Variants in UNC80 observed in about 807,000 individuals in gnomAD.
UNC80 encodes unc-80 subunit of NALCN channel complex, also known as protein unc-80 homolog.
In UNC80, 164 loss-of-function variants were observed where a neutral mutation model predicts 384.6. The observed-to-expected ratio is 0.43, with a 90% CI of 0.38 to 0.49. The LOEUF is 0.49. Among genes scored for constraint, UNC80 ranks in the 20% least tolerant of loss-of-function variants. The probability of loss-of-function intolerance (pLI) is 0.00; values close to 1 mark genes in which losing one functional copy is unlikely to be tolerated. For missense variants in UNC80, 3,330 were observed against 4,143.0 expected, an observed-to-expected ratio of 0.80 and a Z score of 5.39; for synonymous variants, 1,486 against 1,527.8, an observed-to-expected ratio of 0.97 and a Z score of 0.64.
chr2:209,994,492 A>G (rs1416874844), intron 64 of UNC80, among the ~76,000 whole-genome samples: 3 of 152,222 alleles, frequency 2.0e-5, no homozygotes, highest in African/African-American at 7.2e-5. Flanking sequence ...TTTACCTATG[A>G]AAAACCTAAG....
At chr2:209,904,644 CG>C in intron 28 of UNC80, 120 bp from the exon 29 acceptor site, 1 of 834,376 alleles carries the variant, frequency 1.2e-6, no homozygotes, top group Non-Finnish European at 1.9e-6. Flanking sequence ...TGGACCATTG[CG>C]ATTTCAAGAC....
chr2:209,955,724 TATATATATATATATACAC>T (rs1198954957), intron 48 of UNC80, among the ~76,000 whole-genome samples: 4 of 80,850 alleles, frequency 4.9e-5, no homozygotes, highest in South Asian at 9.8e-4. Context: ...TATATATATA[TATATATATATATATACAC>T]ACACACACAC....
In UNC80 at chr2:209,894,275, C is replaced by A; in HGVS notation, c.4389C>A (p.Ser1463Arg). ...GSLSSIRRVG[S>R]LKSSKLSRQD... The stretch of plus-strand genomic sequence containing the variant: ...TGTCCAGCATTCGCCGGGTCGGCAG[C>A]TTAAAGAGCAGCAAGTTATCACGGC... The change falls in exon 27 of 65, where the codon AGC becomes AGA. Residue 1463 changes from serine to arginine, a missense_variant. Physicochemically the swap from Ser to Arg is moderately radical, Grantham distance 110 (BLOSUM62 -1). Around this residue, in one of 8 missense-constraint regions of UNC80, gnomAD observed 801 missense variants for 950.8 expected, o/e 0.84. Coordinates refer to ENST00000673920, the MANE Select transcript of UNC80 (RefSeq NM_001371986.1). The A allele has an allele frequency of 4.1e-6, 4 of 985,352 alleles. No homozygotes were observed. Among genetic ancestry groups the A allele is most frequent in the Non-Finnish European group, 4.8e-6 (4 of 829,938 alleles). The allele number at this position is 985,352 out of a possible 1,614,324, so 61.0% of individuals were successfully genotyped here. A position where few individuals can be genotyped will look rare whatever the true frequency, so the allele number is the denominator to read the frequency against.
intron 51 of UNC80, among the ~76,000 whole-genome samples, chr2:209,964,633 CA>C (rs1351680145): frequency 2.0e-5 from 3 of 151,852 alleles, no homozygotes; most frequent in African/African-American, 4.8e-5. Context: ...ACTAAAAATA[CA>C]AAAATTAGCT....
chr2:209,809,013 G>T, intron 7 of UNC80: 1 of 350,048 alleles, frequency 2.9e-6, no homozygotes, highest in South Asian at 2.5e-5. Flanking sequence ...CCCTCCAACT[G>T]AGACTCCCCC....
intron 22 of UNC80, among the ~76,000 whole-genome samples, chr2:209,863,612 C>T (rs2083493888): frequency 6.6e-6 from 1 of 151,770 alleles, no homozygotes; most frequent in Admixed American, 6.6e-5. Flanking sequence ...ATCCTTTCTT[C>T]TGCTTGGTCG....
At chr2:209,902,948 G>A (rs569033270) in intron 28 of UNC80, among the ~76,000 whole-genome samples, 1 of 141,832 alleles carries the variant, frequency 7.1e-6, no homozygotes, top group Middle Eastern at 4.1e-3. Flanking sequence ...TGTGTGTACA[G>A]TCATCCCTTG....
At chr2:209,848,969 A>G (rs2082338673) in intron 21 of UNC80, among the ~76,000 whole-genome samples, 1 of 151,570 alleles carries the variant, frequency 6.6e-6, no homozygotes, top group South Asian at 2.1e-4. Context: ...TGTAACTGAG[A>G]AAAGGTTTTT....
chr2:209,787,559 A>G (rs879512006), intron 5 of UNC80, among the ~76,000 whole-genome samples: 26 of 152,170 alleles, frequency 1.7e-4, no homozygotes, highest in Non-Finnish European at 3.5e-4. Context: ...CTGTGTTTAC[A>G]ACAGTAGTCC....
At chr2:209,864,508 C>T (rs1010552639) in intron 22 of UNC80, among the ~76,000 whole-genome samples, 1 of 152,186 alleles carries the variant, frequency 6.6e-6, no homozygotes, top group Non-Finnish European at 1.5e-5. Flanking sequence ...ACCCCTTCCC[C>T]AGGGTCTCAG....
intron 31 of UNC80, among the ~76,000 whole-genome samples, chr2:209,915,618 C>T (rs1180906836): frequency 6.6e-6 from 1 of 152,042 alleles, no homozygotes; most frequent in South Asian, 2.1e-4. Flanking sequence ...TTGTGAAAAA[C>T]CAGTGGTGGT....
chr2:209,786,223 A>G (rs760009230), intron 5 of UNC80, 34 bp downstream of exon 5: 2 of 1,602,020 alleles, frequency 1.2e-6, no homozygotes, highest in Non-Finnish European at 1.7e-6. Flanking sequence ...GGACAGTATT[A>G]GCAGATTCCC....
At chr2:209,985,793 G>A (rs1323859799) in intron 61 of UNC80, among the ~76,000 whole-genome samples, 1 of 152,156 alleles carries the variant, frequency 6.6e-6, no homozygotes, top group Non-Finnish European at 1.5e-5. Context: ...TATCTAGTGA[G>A]TACAATACAC....
chr2:209,793,554 A>T (rs2077963308), intron 6 of UNC80, among the ~76,000 whole-genome samples, 166 bp from the exon 7 acceptor site: 1 of 152,222 alleles, frequency 6.6e-6, no homozygotes, highest in African/African-American at 2.4e-5. Context: ...TCTCCCTGAG[A>T]TGAAGTCAAA....
At chr2:209,953,536 T>C (rs2092287042) in intron 47 of UNC80, among the ~76,000 whole-genome samples, 1 of 152,040 alleles carries the variant, frequency 6.6e-6, no homozygotes, top group Admixed American at 6.6e-5. Flanking sequence ...CTTCAAGGTG[T>C]TTCTGGCACC....
At chr2:209,992,416 C>T (rs2125032791) in intron 62 of UNC80, among the ~76,000 whole-genome samples, 169 bp downstream of exon 62, 1 of 152,082 alleles carries the variant, frequency 6.6e-6, no homozygotes, top group South Asian at 2.1e-4. Flanking sequence ...TAGAGTCCAG[C>T]CTGGGCAACA....
chr2:209,995,621 T>C lies in UNC80; in HGVS notation c.*26T>C. ...TTCTGTATCTTGTAAGCTCTGCAGG[T>C]ATAGAGAAGACATGAAAGTGATCTC... On this transcript the variant is annotated 3_prime_UTR_variant, in exon 65 of 65. Transcript: ENST00000673920. 1 of 1,547,296 alleles carries C rather than the reference T, an allele frequency of 6.5e-7. No individual in the cohort carries two copies. The highest frequency in any genetic ancestry group is 8.7e-7 in the Non-Finnish European group (1 of 1,144,092).
intron 28 of UNC80, 63 bp downstream of exon 28, chr2:209,896,476 G>C (rs1289862269): frequency 6.8e-6 from 9 of 1,318,078 alleles, no homozygotes; most frequent in Non-Finnish European, 9.6e-6. Context: ...GAAGATCCAA[G>C]GAGGGAGGAC....
intron 59 of UNC80, among the ~76,000 whole-genome samples, chr2:209,979,065 A>G (rs1318119121): frequency 6.6e-6 from 1 of 152,194 alleles, no homozygotes; most frequent in Admixed American, 6.5e-5. Context: ...CCTGGCCAAC[A>G]TGATGAAATC....
Sources: allele counts gnomAD v4.1 joint callset (sites outside exome capture counted in the v4.1 genomes callset), GRCh38; gene constraint gnomAD v4.1.1; regional missense constraint gnomAD v4.1.1; transcripts MANE v1.5; gene names NCBI Gene and HGNC (gene_info 2026-07-23, HGNC 2026-07-21).